PIP5K1C: variants seen among roughly 807,000 people sequenced by gnomAD.
The protein encoded by PIP5K1C is phosphatidylinositol-4-phosphate 5-kinase type 1 gamma.
Under a neutral mutation model 80.1 loss-of-function variants are expected in PIP5K1C, and 45 were observed. The ratio of observed to expected loss-of-function variants is 0.56; its 90% CI spans 0.44 to 0.72. The LOEUF (loss-of-function observed/expected upper bound fraction) is 0.72, where lower values mean the gene tolerates loss of function less well. Among genes scored for constraint, PIP5K1C ranks in the 30% least tolerant of loss-of-function variants. The probability of loss-of-function intolerance (pLI) is 0.00; values close to 1 mark genes in which losing one functional copy is unlikely to be tolerated. For synonymous variants in PIP5K1C, 498 were observed against 420.1 expected (o/e 1.19, Z -2.27); for missense variants, 753 against 954.6 (o/e 0.79, Z 2.78).
At position 3,643,683 on chromosome 19, in the gene PIP5K1C, C is replaced by T. The variant is rs181932730; in HGVS notation, c.1511-302G>A. 2.5e-4 allele frequency among the ~76,000 whole-genome samples: 37 copies of T among 150,418 alleles called. No homozygotes were observed. In the South Asian group the frequency reaches 7.9e-3, roughly 32 times the overall value. ...CTGCTCTCTTCCCCTCCCCACCCCCCCTCCCTTCCCCTCCGCGCTGCTTGG... is the reference window on the plus strand; with the variant it reads ...CTGCTCTCTTCCCCTCCCCACCCCCTCTCCCTTCCCCTCCGCGCTGCTTGG... On this transcript the variant is annotated intron_variant, in intron 12 of 17. Coordinates refer to ENST00000335312, the MANE Select transcript of PIP5K1C (RefSeq NM_012398.3).
chr19:3,654,109 C>T (rs1599973879), intron 6 of PIP5K1C, among the ~76,000 whole-genome samples: 1 of 152,362 alleles, frequency 6.6e-6, no homozygotes, highest in South Asian at 2.1e-4. Flanking sequence ...TCAAACCATC[C>T]TCCCACCTCA....
At chr19:3,670,654 AG>A (rs1174936637) in intron 1 of PIP5K1C, among the ~76,000 whole-genome samples, 1 of 152,200 alleles carries the variant, frequency 6.6e-6, no homozygotes, top group Admixed American at 6.5e-5. Flanking sequence ...GGAGCCCTCC[AG>A]TGAGGACCCC....
Position 3,688,797 on chromosome 19 carries a change from G to A in PIP5K1C, c.94+11500C>T, listed in dbSNP as rs1476962787. Among the ~76,000 whole-genome samples, 6 of 152,022 alleles carry A rather than the reference G, an allele frequency of 3.9e-5. No homozygotes were observed. Among genetic ancestry groups the A allele is most frequent in the South Asian group, 4.1e-4 (2 of 4,824 alleles). On this transcript the variant is annotated intron_variant, in intron 1 of 17. Transcript: ENST00000335312. This position sits in a 1 kb window ranked among gnomAD's most constrained non-coding sequence, Gnocchi z 5.3. ...GAGAGACACACCGAGCTGGTGGGCC[G>A]GGGGAGGGGGACCCACACCCACGTC...
At chr19:3,659,407 C>T (rs1045260281) in intron 5 of PIP5K1C, among the ~76,000 whole-genome samples, 2 of 152,250 alleles carry the variant, frequency 1.3e-5, no homozygotes, top group Non-Finnish European at 2.9e-5. Flanking sequence ...GGAATGCGAT[C>T]TTATCGGGTT....
chr19:3,661,649 CTA>C (rs1215387653), intron 4 of PIP5K1C, among the ~76,000 whole-genome samples: 1 of 152,268 alleles, frequency 6.6e-6, no homozygotes, highest in African/African-American at 2.4e-5. Flanking sequence ...GAGCTAACTT[CTA>C]TCTTTTCTTT....
Position 3,700,358 on chromosome 19 carries a change from G to T in PIP5K1C, c.33C>A (p.Ser11Arg). The T allele has an allele frequency of 7.8e-7, 1 of 1,285,642 alleles. No individual in the cohort carries two copies. The highest frequency in any genetic ancestry group is 1.5e-5 in the South Asian group (1 of 65,538). The allele number at this position is 1,285,642 out of a possible 1,614,324, so 79.6% of individuals were successfully genotyped here. A position where few individuals can be genotyped will look rare whatever the true frequency, so the allele number is the denominator to read the frequency against. Residue 11 changes from serine (S) to arginine (R), a missense_variant, in exon 1 of 18, where the codon AGC becomes AGA. Ser to Arg is a moderately radical substitution (Grantham distance 110). This residue lies in a region of PIP5K1C where 78 missense variants were observed against 67.1 expected (regional missense o/e 1.16). Transcript: ENST00000335312. ...CCGAGGGCACGGCCCCCGCCTCAGC[G>T]CTCTCCGCCTCGTCCGGTACCTCCA... The part of the protein sequence containing the change: MELEVPDEAE[S>R]AEAGAVPSEA...
intron 2 of PIP5K1C, 132 bp downstream of exon 2, chr19:3,667,190 G>A: frequency 1.3e-6 from 1 of 760,244 alleles, no homozygotes; most frequent in South Asian, 1.5e-5. Context: ...CATCCTGCTT[G>A]TGGACACTGG....
chr19:3,660,607 C>T (rs1600001722), intron 5 of PIP5K1C, among the ~76,000 whole-genome samples: 1 of 152,166 alleles, frequency 6.6e-6, no homozygotes, highest in African/African-American at 2.4e-5. Context: ...CTTGTTCTAA[C>T]CCTTAAGTCT....
At chr19:3,644,765 G>C (rs78682020) in intron 11 of PIP5K1C, among the ~76,000 whole-genome samples, 1 of 152,172 alleles carries the variant, frequency 6.6e-6, no homozygotes, top group Non-Finnish European at 1.5e-5. Flanking sequence ...CTTAGCGGTG[G>C]GGTGAGGTGG....
chr19:3,697,182 G>A (rs2036143318), intron 1 of PIP5K1C, among the ~76,000 whole-genome samples: 1 of 151,578 alleles, frequency 6.6e-6, no homozygotes, highest in African/African-American at 2.4e-5. Context: ...GACCAAGCTG[G>A]ACTGGGGAGG....
intron 1 of PIP5K1C, among the ~76,000 whole-genome samples, chr19:3,681,317 G>A (rs757795193): frequency 4.0e-5 from 6 of 150,780 alleles, no homozygotes; most frequent in Non-Finnish European, 8.8e-5. Flanking sequence ...TGCAACCTCT[G>A]CCTCCTGGGT....
intron 14 of PIP5K1C, 80 bp from the exon 15 acceptor site, chr19:3,641,889 A>G: frequency 8.8e-7 from 1 of 1,131,226 alleles, no homozygotes; most frequent in Non-Finnish European, 1.3e-6. Context: ...AGTGAACTCC[A>G]GGGCCAGTCC....
chr19:3,643,089 G>A (rs1053269843), intron 13 of PIP5K1C, 150 bp from the exon 14 acceptor site: 12 of 1,460,296 alleles, frequency 8.2e-6, no homozygotes, highest in Admixed American at 1.8e-5. Context: ...TGGATGCTCC[G>A]CCCCCGCGCA....
intron 3 of PIP5K1C, 140 bp downstream of exon 3, chr19:3,664,682 C>T: frequency 1.3e-6 from 1 of 784,360 alleles, no homozygotes; most frequent in Non-Finnish European, 2.2e-6. Context: ...CCAGCCTCTG[C>T]CTCCACACAG....
intron 3 of PIP5K1C, 67 bp downstream of exon 3, chr19:3,664,755 C>T: frequency 7.7e-7 from 1 of 1,293,510 alleles, no homozygotes; most frequent in Non-Finnish European, 1.1e-6. Context: ...ATCCATGCTA[C>T]CAGTGGGATC....
chr19:3,654,259 C>A (rs553190404), intron 6 of PIP5K1C, among the ~76,000 whole-genome samples: 4 of 152,212 alleles, frequency 2.6e-5, no homozygotes, highest in Non-Finnish European at 4.4e-5. Context: ...TCCTGCTGTA[C>A]CCTGTAGACC....
chr19:3,688,615 G>GC lies in PIP5K1C; in HGVS notation c.94+11681dup, dbSNP rs35380287. ...TGCTGGTGATTCTGCTGCTGAAATT[G>GC]CCCCCCCAGGCATTGTCCTCAGGTG... On this transcript the variant is annotated intron_variant, in intron 1 of 17. Transcript: ENST00000335312. The surrounding 1 kb of genome is among the most constrained non-coding windows in gnomAD (Gnocchi z 5.3). 0.12 allele frequency among the ~76,000 whole-genome samples: 18,239 copies of GC among 152,018 alleles called. 1,407 individuals carry two copies. The highest frequency in any genetic ancestry group is 0.2 in the African/African-American group (8,441 of 41,412).
In PIP5K1C at chr19:3,656,658, C is replaced by T. The variant is rs575169422; in HGVS notation, c.469-101G>A. The T allele has an allele frequency of 7.8e-5, 103 of 1,316,422 alleles. No homozygotes were observed. The African/African-American group carries it at 9.5e-4, about 12-fold the overall frequency. The allele number at this position is 1,316,422 out of a possible 1,614,324, so 81.5% of individuals were successfully genotyped here. On this transcript the variant is annotated intron_variant, in intron 5 of 17. Coordinates refer to ENST00000335312, the MANE Select transcript of PIP5K1C (RefSeq NM_012398.3). Reference sequence around the variant, plus strand: ...ACAGCCCCAGGAACTGATGACGGGTCGCTGCATTTTACAGATGCGGAAAGA... The same window carrying T: ...ACAGCCCCAGGAACTGATGACGGGTTGCTGCATTTTACAGATGCGGAAAGA...
intron 12 of PIP5K1C, among the ~76,000 whole-genome samples, 175 bp from the exon 13 acceptor site, chr19:3,643,556 G>A (rs2034073790): frequency 2.6e-5 from 4 of 152,166 alleles, no homozygotes; most frequent in Admixed American, 2.6e-4. Context: ...TCACACAAAG[G>A]CTTCTGACCG....
Sources: gnomAD v4.1 joint callset for allele counts (sites outside exome capture counted in the v4.1 genomes callset) on GRCh38, gnomAD v4.1.1 for gene constraint, gnomAD v4.1.1 regional missense constraint, Gnocchi (gnomAD v3.1) non-coding constraint, MANE v1.5 for transcripts, NCBI Gene and HGNC (gene_info 2026-07-23, HGNC 2026-07-21) for gene names.